KCNB2: variants seen among roughly 807,000 people sequenced by gnomAD.
KCNB2 encodes delayed rectifier potassium channel protein.
In KCNB2, 15 loss-of-function variants were observed where a neutral mutation model predicts 61.5. The observed-to-expected ratio is 0.24, with a 90% CI of 0.16 to 0.38. KCNB2 has a LOEUF of 0.38. Among genes scored for constraint, KCNB2 ranks in the 10% least tolerant of loss-of-function variants. The pLI, the probability that KCNB2 is intolerant of heterozygous loss-of-function variation, is 1.00. For synonymous variants in KCNB2, 457 were observed against 446.0 expected, an observed-to-expected ratio of 1.02 and a Z score of -0.31; for missense variants, 828 against 1,125.2, an observed-to-expected ratio of 0.74 and a Z score of 3.78.
intron 2 of KCNB2, among the ~76,000 whole-genome samples, chr8:72,651,904 C>T (rs1806216365): frequency 1.3e-5 from 2 of 152,096 alleles, no homozygotes; most frequent in Admixed American, 1.3e-4. Context: ...GTCCATCCCT[C>T]TCCCACGTCA....
intron 2 of KCNB2, among the ~76,000 whole-genome samples, chr8:72,659,182 T>TC (rs1188645874): frequency 2.0e-4 from 30 of 152,214 alleles, no homozygotes; most frequent in African/African-American, 7.0e-4. Flanking sequence ...TATTCATGAT[T>TC]CACCGGAGGA....
At chr8:72,766,843 C>G (rs189104545) in intron 2 of KCNB2, among the ~76,000 whole-genome samples, 35 of 152,104 alleles carry the variant, frequency 2.3e-4, no homozygotes, top group Non-Finnish European at 2.9e-5. Context: ...CATTTTCATG[C>G]CATTGATAAA....
chr8:72,848,939 C>T (rs1213708692), intron 2 of KCNB2, among the ~76,000 whole-genome samples: 1 of 151,486 alleles, frequency 6.6e-6, no homozygotes, highest in Admixed American at 6.6e-5. Flanking sequence ...AAAAATTTAA[C>T]ATAAAGTTAT....
At position 72,697,122 on chromosome 8, in the gene KCNB2, A is replaced by G. The variant is rs191674217; in HGVS notation, c.579+128809A>G. Among the ~76,000 whole-genome samples the G allele has an allele frequency of 2.1e-3, 321 of 152,300 alleles. 3 individuals are homozygous for G. The highest frequency in any genetic ancestry group is 7.3e-3 in the African/African-American group (302 of 41,576). ...TGGGGGTGTTTCAAAGCCTATAATC[A>G]AACTAAACAGACTGGTACAACAACT... is the stretch of plus-strand genomic sequence containing the variant. On this transcript the variant is annotated intron_variant, in intron 2 of 2. Transcript: ENST00000523207.
chr8:72,588,216 T>C (rs7820211), intron 2 of KCNB2, among the ~76,000 whole-genome samples: 2,084 of 129,430 alleles, frequency 0.016, 42 homozygotes, highest in African/African-American at 0.05. Flanking sequence ...TGGGTTTCTT[T>C]TCTTTTTTTT....
At chr8:72,742,394 T>C (rs1225239997) in intron 2 of KCNB2, among the ~76,000 whole-genome samples, 3 of 152,204 alleles carry the variant, frequency 2.0e-5, no homozygotes, top group Admixed American at 2.0e-4. Flanking sequence ...GTAGGGGTTG[T>C]CTTTGCTTAG....
intron 2 of KCNB2, among the ~76,000 whole-genome samples, chr8:72,790,273 AC>A (rs1379975773): frequency 6.6e-6 from 1 of 152,082 alleles, no homozygotes; most frequent in African/African-American, 2.4e-5. Context: ...GGGAAAGAGA[AC>A]CCTGCTAAGG....
intron 2 of KCNB2, among the ~76,000 whole-genome samples, chr8:72,692,799 A>G (rs1806960114): frequency 6.7e-6 from 1 of 148,522 alleles, no homozygotes. Context: ...TTTATTTATT[A>G]TTTTGTATTA....
intron 2 of KCNB2, among the ~76,000 whole-genome samples, chr8:72,628,746 G>T (rs1805834316): frequency 6.6e-6 from 1 of 152,074 alleles, no homozygotes; most frequent in Admixed American, 6.5e-5. Context: ...GTCAACATTT[G>T]GGAATAGGCC....
intron 2 of KCNB2, among the ~76,000 whole-genome samples, chr8:72,928,334 A>G (rs1281063507): frequency 6.6e-6 from 1 of 152,020 alleles, no homozygotes; most frequent in East Asian, 1.9e-4. Flanking sequence ...CTGCGACTAC[A>G]GGCACACGTA....
rs762645653 is a variant in KCNB2 at position 72,936,576 on chromosome 8, G to A, written c.1221G>A (p.Leu407=). The A allele has an allele frequency of 1.2e-6, 2 of 1,614,170 alleles. No individual in the cohort carries two copies. Among genetic ancestry groups the A allele is most frequent in the East Asian group, 2.2e-5 (1 of 44,884 alleles). The change falls in exon 3 of 3, where the codon CTG becomes CTA. Residue 407 remains leucine, a synonymous_variant. Coordinates refer to ENST00000523207, the MANE Select transcript of KCNB2 (RefSeq NM_004770.3). The surrounding 1 kb of genome is among the most constrained non-coding windows in gnomAD (Gnocchi z 5.6). ...VGGLCCIAGV[L]VIALPIPIIV... ...GTCTGTGCTGTATTGCTGGGGTTCT[G>A]GTTATTGCCCTTCCTATCCCAATTA...
At chr8:72,637,113 G>A (rs1805978305) in intron 2 of KCNB2, among the ~76,000 whole-genome samples, 1 of 152,036 alleles carries the variant, frequency 6.6e-6, no homozygotes, top group African/African-American at 2.4e-5. Flanking sequence ...ATAGGTTTTG[G>A]AGGCTAAAGC....
intron 2 of KCNB2, among the ~76,000 whole-genome samples, chr8:72,864,966 ATCT>A (rs1805491888): frequency 6.6e-6 from 1 of 152,228 alleles, no homozygotes; most frequent in Admixed American, 6.5e-5. Context: ...AACAGGTTTC[ATCT>A]TCTCCCCCAA....
intron 2 of KCNB2, among the ~76,000 whole-genome samples, chr8:72,776,823 G>A (rs1808661961): frequency 6.6e-6 from 1 of 152,172 alleles, no homozygotes; most frequent in South Asian, 2.1e-4. Context: ...TAGGGAGAGA[G>A]GAGACCTTGC....
intron 2 of KCNB2, among the ~76,000 whole-genome samples, chr8:72,629,634 A>C (rs993653750): frequency 6.6e-6 from 1 of 152,172 alleles, no homozygotes; most frequent in African/African-American, 2.4e-5. Flanking sequence ...TTTCACTTGG[A>C]TCACATGAAT....
intron 2 of KCNB2, among the ~76,000 whole-genome samples, chr8:72,606,152 A>T (rs551591290): frequency 2.6e-4 from 40 of 152,248 alleles, no homozygotes; most frequent in African/African-American, 9.1e-4. Context: ...ATATTCTTTG[A>T]CCCAGTAGCT....
At chr8:72,843,111 G>A (rs1000498196) in intron 2 of KCNB2, among the ~76,000 whole-genome samples, 7 of 151,996 alleles carry the variant, frequency 4.6e-5, no homozygotes, top group Non-Finnish European at 1.0e-4. Flanking sequence ...CTTTAGCTGT[G>A]TCCCAGAGAT....
At chr8:72,801,812 A>G (rs1229092106) in intron 2 of KCNB2, among the ~76,000 whole-genome samples, 2 of 152,006 alleles carry the variant, frequency 1.3e-5, no homozygotes, top group Non-Finnish European at 2.9e-5. Flanking sequence ...GGACTAAAAG[A>G]GGGCTATGTG....
chr8:72,861,584 G>A (rs1334247075), intron 2 of KCNB2, among the ~76,000 whole-genome samples: 1 of 152,152 alleles, frequency 6.6e-6, no homozygotes, highest in Non-Finnish European at 1.5e-5. Context: ...AATGTAGGAG[G>A]AGGCCCGAGC....
Sources: gnomAD v4.1 joint callset for allele counts (sites outside exome capture counted in the v4.1 genomes callset) on GRCh38, gnomAD v4.1.1 for gene constraint, Gnocchi (gnomAD v3.1) non-coding constraint, MANE v1.5 for transcripts, NCBI Gene and HGNC (gene_info 2026-07-23, HGNC 2026-07-21) for gene names.